The following SCMH1 variants were observed in gnomAD, a reference collection of about 807,000 sequenced individuals.
SCMH1 encodes Scm polycomb group protein homolog 1.
Under a neutral mutation model 70.8 loss-of-function variants are expected in SCMH1, and 37 were observed. That is an observed-to-expected ratio of 0.52 (90% CI 0.40 to 0.69). SCMH1 has a LOEUF of 0.69. Among genes scored for constraint, SCMH1 ranks in the 30% least tolerant of loss-of-function variants. SCMH1 has a pLI of 0.00. For missense variants in SCMH1, 607 were observed against 827.3 expected (o/e 0.73, Z 3.27); for synonymous variants, 292 against 307.4 (o/e 0.95, Z 0.52).
intron 5 of SCMH1, among the ~76,000 whole-genome samples, chr1:41,146,208 G>A (rs1427594014): frequency 2.0e-5 from 3 of 149,714 alleles, no homozygotes; most frequent in Non-Finnish European, 4.4e-5. Flanking sequence ...AACAAAAAGA[G>A]TTTAAAAGGT....
intron 6 of SCMH1, among the ~76,000 whole-genome samples, chr1:41,122,342 T>C (rs1467868721): frequency 6.6e-6 from 1 of 152,180 alleles, no homozygotes; most frequent in Non-Finnish European, 1.5e-5. Flanking sequence ...CAGTTAGTTA[T>C]TTGCTGAGAC....
intron 1 of SCMH1, among the ~76,000 whole-genome samples, chr1:41,217,413 A>G (rs769664232): frequency 6.6e-6 from 1 of 152,204 alleles, no homozygotes. Flanking sequence ...ATTAATATTA[A>G]GCAAAAAAGG....
exon 11 of SCMH1, chr1:41,048,700 C>T (rs1208182548): frequency 6.2e-7 from 1 of 1,614,014 alleles, no homozygotes. Flanking sequence ...CTGAGATAAC[C>T]TCACCACCAT....
At chr1:41,118,023 C>T (rs910762092) in intron 6 of SCMH1, among the ~76,000 whole-genome samples, 1 of 152,092 alleles carries the variant, frequency 6.6e-6, no homozygotes, top group Non-Finnish European at 1.5e-5. Context: ...CTCTTGTCTC[C>T]GCACACAGGG....
intron 1 of SCMH1, among the ~76,000 whole-genome samples, chr1:41,187,345 C>T (rs1650494342): frequency 6.6e-6 from 1 of 151,144 alleles, no homozygotes; most frequent in African/African-American, 2.4e-5. Flanking sequence ...GCTTGTAATC[C>T]CGGCTACTCG....
At chr1:41,230,926 A>C (rs539770903) in intron 1 of SCMH1, among the ~76,000 whole-genome samples, 1 of 152,350 alleles carries the variant, frequency 6.6e-6, no homozygotes, top group African/African-American at 2.4e-5. Context: ...GCTACAAACG[A>C]AGTTAACCAG....
At chr1:41,160,759 GTTTCTGAGACAGAGACACGTGGAATTCT>G (rs1265713002) in intron 4 of SCMH1, 88 bp downstream of exon 4, 2 of 966,356 alleles carry the variant, frequency 2.1e-6, no homozygotes, top group Non-Finnish European at 3.2e-6. Context: ...GGATTCACTG[GTTTCTGAGACAGAGACACGTGGAATTCT>G]TTTCCTCGTT....
intron 1 of SCMH1, among the ~76,000 whole-genome samples, chr1:41,220,810 G>A (rs995260759): frequency 5.9e-5 from 9 of 152,198 alleles, no homozygotes; most frequent in African/African-American, 2.2e-4. Flanking sequence ...TGTATAAGAG[G>A]AGAAGAAAAC....
chr1:41,180,859 C>T (rs576166953), intron 2 of SCMH1, among the ~76,000 whole-genome samples: 118 of 152,180 alleles, frequency 7.8e-4, no homozygotes, highest in Non-Finnish European at 1.4e-3. Context: ...TTAAAGTTCA[C>T]ATGGAACCAA....
At chr1:41,239,690 G>A (rs1297372872) in intron 1 of SCMH1, among the ~76,000 whole-genome samples, 5 of 151,936 alleles carry the variant, frequency 3.3e-5, no homozygotes, top group Non-Finnish European at 7.4e-5. Context: ...ACTTGCTATG[G>A]CGTGATCATG....
intron 2 of SCMH1, among the ~76,000 whole-genome samples, chr1:41,162,492 C>T (rs1044053564): frequency 4.6e-5 from 7 of 152,122 alleles, no homozygotes; most frequent in Non-Finnish European, 8.8e-5. Context: ...TGGGCACACA[C>T]TTCCTCCCCT....
intron 7 of SCMH1, among the ~76,000 whole-genome samples, chr1:41,115,610 A>G (rs1426860518): frequency 6.6e-6 from 1 of 151,942 alleles, no homozygotes; most frequent in African/African-American, 2.4e-5. Flanking sequence ...GCTAATTTTT[A>G]AATTTTTTCT....
At chr1:41,033,718 TCAA>T (rs1644873143) in intron 13 of SCMH1, among the ~76,000 whole-genome samples, 1 of 152,194 alleles carries the variant, frequency 6.6e-6, no homozygotes, top group African/African-American at 2.4e-5. Context: ...GGAAACAGAC[TCAA>T]CATCCAAATT....
At chr1:41,228,657 C>T (rs543720721) in intron 1 of SCMH1, among the ~76,000 whole-genome samples, 11 of 151,602 alleles carry the variant, frequency 7.3e-5, no homozygotes, top group African/African-American at 2.7e-4. Flanking sequence ...TGATGGTGCG[C>T]ACCTGTGGTT....
intron 6 of SCMH1, among the ~76,000 whole-genome samples, chr1:41,142,178 T>G (rs932070887): frequency 4.6e-5 from 7 of 152,288 alleles, no homozygotes; most frequent in Admixed American, 6.5e-5. Context: ...AGGGAGCCCA[T>G]GATACATGCT....
chr1:41,095,603 AG>A (rs1473486657), intron 8 of SCMH1, among the ~76,000 whole-genome samples: 1 of 152,232 alleles, frequency 6.6e-6, no homozygotes, highest in Non-Finnish European at 1.5e-5. Context: ...TGCTGGAAGC[AG>A]GAAAATGTGC....
In SCMH1 at chr1:41,208,197, A is replaced by G. The variant is rs552198460; in HGVS notation, c.-117-21947T>C. ...AAGAACAAAAAACCAAACACCGCATATTCTCACTCATAGGTGGGAATTGAA... is the reference window on the plus strand; with the variant it reads ...AAGAACAAAAAACCAAACACCGCATGTTCTCACTCATAGGTGGGAATTGAA... On this transcript the variant is annotated intron_variant, in intron 1 of 14. Coordinates refer to ENST00000337495, the Ensembl canonical transcript of SCMH1. Among the ~76,000 whole-genome samples, 655 of 110,362 alleles carry G rather than the reference A, an allele frequency of 5.9e-3. 2 individuals are homozygous for G. The highest frequency in any genetic ancestry group is 0.01 in the Non-Finnish European group (540 of 53,968). 72.4% of individuals were successfully genotyped at this position (110,362 alleles called of 152,430 possible).
chr1:41,198,333 CA>C (rs1304305809), intron 1 of SCMH1, among the ~76,000 whole-genome samples: 1 of 152,078 alleles, frequency 6.6e-6, no homozygotes, highest in Non-Finnish European at 1.5e-5. Context: ...ATCCAAAAGA[CA>C]AAAAGTAAGT....
intron 1 of SCMH1, among the ~76,000 whole-genome samples, chr1:41,206,240 A>C (rs751458615): frequency 2.0e-5 from 3 of 152,206 alleles, no homozygotes; most frequent in African/African-American, 7.2e-5. Flanking sequence ...TTAATAACAA[A>C]CTTTTCTGAG....
Sources: allele counts gnomAD v4.1 joint callset (sites outside exome capture counted in the v4.1 genomes callset), GRCh38; gene constraint gnomAD v4.1.1; transcripts MANE v1.5; gene names NCBI Gene and HGNC (gene_info 2026-07-23, HGNC 2026-07-21).